Variants in EHMT1 observed in about 807,000 individuals in gnomAD.
EHMT1 encodes histone-lysine N-methyltransferase EHMT1.
EHMT1 carries 15 observed loss-of-function variants against 147.2 expected under a neutral mutation model. The ratio of observed to expected loss-of-function variants is 0.10; its 90% CI spans 0.07 to 0.16. The LOEUF (loss-of-function observed/expected upper bound fraction) is 0.16, where lower values mean the gene tolerates loss of function less well. Among genes scored for constraint, EHMT1 ranks in the 10% least tolerant of loss-of-function variants. The probability of loss-of-function intolerance (pLI) is 1.00; values close to 1 mark genes in which losing one functional copy is unlikely to be tolerated. For missense variants in EHMT1, 1,587 were observed against 1,772.4 expected, an observed-to-expected ratio of 0.90 and a Z score of 1.88; for synonymous variants, 795 against 709.6, an observed-to-expected ratio of 1.12 and a Z score of -1.91.
chr9:137,619,098 C>G, intron 1 of EHMT1, 49 bp downstream of exon 1: 6 of 621,458 alleles, frequency 9.7e-6, no homozygotes, highest in East Asian at 1.5e-4. Context: ...CGGGCAGCGG[C>G]GGAGGCGGCG....
intron 1 of EHMT1, among the ~76,000 whole-genome samples, chr9:137,710,521 T>C (rs1291086113): frequency 1.3e-5 from 2 of 152,206 alleles, no homozygotes; most frequent in Non-Finnish European, 1.5e-5. Context: ...CTATAGATGC[T>C]TAATCTCAAA....
chr9:137,661,452 G>A (rs964150380), intron 1 of EHMT1, among the ~76,000 whole-genome samples: 1 of 148,810 alleles, frequency 6.7e-6, no homozygotes, highest in Admixed American at 6.7e-5. Context: ...TCATACTTGA[G>A]TATTGAATTT....
In EHMT1 at chr9:137,650,769, T is replaced by C. The variant is rs1937716317; in HGVS notation, c.21+31720T>C. 2.0e-5 allele frequency: 3 copies of C among 150,386 alleles called. No homozygotes were observed. The South Asian group carries it at 6.4e-4, about 32-fold the overall frequency. 9.3% of individuals were successfully genotyped at this position (150,386 alleles called of 1,614,324 possible). A position where few individuals can be genotyped will look rare whatever the true frequency, so the allele number is the denominator to read the frequency against. On this transcript the variant is annotated intron_variant, in intron 1 of 26. Transcript: ENST00000460843. ...GCAACCTTGACCTCCTGGACCCAAG[T>C]GATCCTCCCAATTCAGCCCCCCAAG...
At chr9:137,760,379 G>A (rs778479759) in intron 9 of EHMT1, among the ~76,000 whole-genome samples, 9 of 152,190 alleles carry the variant, frequency 5.9e-5, no homozygotes, top group Non-Finnish European at 1.0e-4. Flanking sequence ...TGGGGTTTGT[G>A]TGTGTTTTCT....
At chr9:137,737,176 C>T (rs912105954) in intron 4 of EHMT1, among the ~76,000 whole-genome samples, 12 of 152,162 alleles carry the variant, frequency 7.9e-5, no homozygotes, top group African/African-American at 2.9e-4. Flanking sequence ...TGTATCACTG[C>T]ACTTTAGCCT....
At chr9:137,825,203 T>G (rs934836721) in intron 25 of EHMT1, among the ~76,000 whole-genome samples, 1 of 152,208 alleles carries the variant, frequency 6.6e-6, no homozygotes, top group Non-Finnish European at 1.5e-5. Flanking sequence ...GCTGCCTTCC[T>G]CACATTCTGT....
chr9:137,646,719 T>G (rs1844918348), intron 1 of EHMT1, among the ~76,000 whole-genome samples: 1 of 152,268 alleles, frequency 6.6e-6, no homozygotes, highest in Admixed American at 6.5e-5. Flanking sequence ...TTTGATCCCC[T>G]CACTGCCGCA....
chr9:137,803,074 T>C, intron 18 of EHMT1: 1 of 1,230,218 alleles, frequency 8.1e-7, no homozygotes, highest in Non-Finnish European at 1.0e-6. Flanking sequence ...CTAGTGTGGC[T>C]GGTCGGCCTG....
intron 23 of EHMT1, 187 bp from the exon 24 acceptor site, chr9:137,817,252 C>T (rs1954991811): frequency 1.5e-6 from 1 of 686,072 alleles, no homozygotes. Context: ...TGGCTGATCC[C>T]CGGGTTCTTG....
chr9:137,722,263 T>C (rs1946135991), intron 3 of EHMT1, among the ~76,000 whole-genome samples: 2 of 152,254 alleles, frequency 1.3e-5, no homozygotes, highest in South Asian at 2.1e-4. Context: ...AAAAAGCAAT[T>C]TGAAATTTTT....
intron 3 of EHMT1, among the ~76,000 whole-genome samples, chr9:137,724,908 G>GGC (rs1273864670): frequency 0.038 from 3,592 of 94,606 alleles, 139 homozygotes; most frequent in African/African-American, 0.13. Flanking sequence ...TGTGGCATTC[G>GGC]TTGGGCATTC....
intron 1 of EHMT1, among the ~76,000 whole-genome samples, chr9:137,634,380 C>T (rs560504921): frequency 6.6e-5 from 10 of 152,258 alleles, no homozygotes; most frequent in East Asian, 3.9e-4. Flanking sequence ...GGCTCAGCAG[C>T]GTTTGTTGAA....
Position 137,835,949 on chromosome 9 carries a change from A to G in EHMT1, c.*996A>G, listed in dbSNP as rs1474728410. The G allele has an allele frequency of 6.6e-6, 1 of 152,544 alleles. No homozygotes were observed. Among genetic ancestry groups the G allele is most frequent in the Non-Finnish European group, 1.5e-5 (1 of 68,040 alleles). 9.4% of individuals were successfully genotyped at this position (152,544 alleles called of 1,614,324 possible). ...TGGCATATACCTTTTTAAAGACTGT[A>G]ATTAGTGCAGTAACAGTGGGGTTTT... On this transcript the variant is annotated 3_prime_UTR_variant, in exon 27 of 27. Coordinates refer to ENST00000460843, the MANE Select transcript of EHMT1 (RefSeq NM_024757.5).
In EHMT1 at chr9:137,811,320, T is replaced by C. The variant is rs560113715; in HGVS notation, c.2713-141T>C. 123 of 1,171,516 alleles carry C rather than the reference T, an allele frequency of 1.0e-4. 1 individual carries two copies. In the South Asian group the frequency reaches 1.5e-3, roughly 14 times the overall value. 72.6% of individuals were successfully genotyped at this position (1,171,516 alleles called of 1,614,324 possible). A position where few individuals can be genotyped will look rare whatever the true frequency, so the allele number is the denominator to read the frequency against. On this transcript the variant is annotated intron_variant, in intron 18 of 26. Transcript: ENST00000460843. Reference sequence around the variant, plus strand: ...TCCCATCCGGTGACCTGTGGCACCCTTTCCACCTGGCCCTGCTGCGGACGG... The same window carrying C: ...TCCCATCCGGTGACCTGTGGCACCCCTTCCACCTGGCCCTGCTGCGGACGG...
In EHMT1 at chr9:137,711,872, A is replaced by T. The variant is rs187364019; in HGVS notation, c.85+842A>T. On this transcript the variant is annotated intron_variant, in intron 2 of 26. Transcript: ENST00000460843. ...CACTGGACTTGCCTAAGGCTCTCCC[A>T]GCTGGAGCCTGCTCCTCTCCAGACA... Among the ~76,000 whole-genome samples, 146 of 152,296 alleles carry T rather than the reference A, an allele frequency of 9.6e-4. 1 individual carries two copies. The highest frequency in any genetic ancestry group is 5.4e-3 in the South Asian group (26 of 4,824).
intron 1 of EHMT1, among the ~76,000 whole-genome samples, chr9:137,650,666 C>CT (rs75230304): frequency 0.025 from 3,064 of 121,554 alleles, 125 homozygotes; most frequent in African/African-American, 0.06. Flanking sequence ...GGACCCCCCG[C>CT]TTTTTTTTTT....
chr9:137,795,544 G>A (rs1043064665), intron 16 of EHMT1, among the ~76,000 whole-genome samples: 13 of 152,162 alleles, frequency 8.5e-5, no homozygotes, highest in Admixed American at 1.3e-4. Flanking sequence ...GAGTGAAATT[G>A]AGGTACCTGG....
Position 137,791,000 on chromosome 9 carries a change from A to AGT in EHMT1, c.2505+39_2505+40dup, listed in dbSNP as rs765655505. On this transcript the variant is annotated intron_variant, in intron 16 of 26. Transcript: ENST00000460843. Reference sequence around the variant, plus strand: ...GTTCCCCTGTCAGAATCAACGTCCTAGTGTGTGTGTAGACGTTTCTCAGAA... The same window carrying AGT: ...GTTCCCCTGTCAGAATCAACGTCCTAGTGTGTGTGTGTAGACGTTTCTCAGAA... 9.9e-6 allele frequency: 16 copies of AGT among 1,614,012 alleles called. No individual in the cohort carries two copies. The South Asian group carries it at 1.3e-4, about 13-fold the overall frequency.
intron 10 of EHMT1, among the ~76,000 whole-genome samples, chr9:137,771,058 G>A (rs1950552107): frequency 6.6e-6 from 1 of 151,938 alleles, no homozygotes; most frequent in Non-Finnish European, 1.5e-5. Flanking sequence ...TGTCTTGGTG[G>A]TGCATAACCT....
Sources: allele counts gnomAD v4.1 joint callset (sites outside exome capture counted in the v4.1 genomes callset), GRCh38; gene constraint gnomAD v4.1.1; transcripts MANE v1.5; gene names NCBI Gene and HGNC (gene_info 2026-07-23, HGNC 2026-07-21).